Variants in DRGX observed in about 807,000 individuals in gnomAD.
The protein encoded by DRGX is dorsal root ganglia homeobox.
In DRGX, 21 loss-of-function variants were observed where a neutral mutation model predicts 28.6. The ratio of observed to expected loss-of-function variants is 0.73; its 90% confidence interval spans 0.52 to 1.06. The LOEUF is 1.06. Ranked by LOEUF, DRGX falls within the 50% of genes least tolerant of loss-of-function variation. DRGX has a pLI of 0.00. For synonymous variants in DRGX, 136 were observed against 139.1 expected, an observed-to-expected ratio of 0.98 and a Z score of 0.16; for missense variants, 354 against 343.9, an observed-to-expected ratio of 1.03 and a Z score of -0.23.
chr10:49,383,847 G>A (rs1818639989), intron 6 of DRGX, among the ~76,000 whole-genome samples: 2 of 152,242 alleles, frequency 1.3e-5, no homozygotes, highest in African/African-American at 4.8e-5. Flanking sequence ...CTCCAGCACT[G>A]TGAGACATAA....
chr10:49,374,659 T>C (rs185447782), intron 6 of DRGX, among the ~76,000 whole-genome samples: 16 of 152,382 alleles, frequency 1.0e-4, no homozygotes, highest in African/African-American at 3.6e-4. Context: ...AGGCTTGGTC[T>C]GAATATAAAT....
At position 49,366,017 on chromosome 10, in the gene DRGX, C is replaced by T. The variant is rs536783214; in HGVS notation, c.*99G>A. ...TGGGTCCATGCAGAGGCCCTGGGGC[C>T]GCAGGCTTCTCCTTGCTATTTGGAG... On this transcript the variant is annotated 3_prime_UTR_variant, in exon 7 of 7. Transcript: ENST00000374139. The T allele has an allele frequency of 5.3e-5, 75 of 1,405,374 alleles. No individual in the cohort carries two copies. Among genetic ancestry groups the T allele is most frequent in the Non-Finnish European group, 6.8e-5 (73 of 1,070,148 alleles). 87.1% of individuals were successfully genotyped at this position (1,405,374 alleles called of 1,614,324 possible). A position where few individuals can be genotyped will look rare whatever the true frequency, so the allele number is the denominator to read the frequency against.
intron 6 of DRGX, among the ~76,000 whole-genome samples, chr10:49,379,406 A>T (rs527295700): frequency 3.3e-5 from 5 of 152,346 alleles, no homozygotes; most frequent in East Asian, 1.9e-4. Flanking sequence ...CAATAAAACC[A>T]TTATAAAAAT....
chr10:49,395,636 A>G, intron 1 of DRGX, 115 bp from the exon 2 acceptor site: 1 of 646,926 alleles, frequency 1.5e-6, no homozygotes, highest in East Asian at 2.8e-5. Context: ...CCCTCATCTC[A>G]CTGCGGGGGA....
intron 6 of DRGX, among the ~76,000 whole-genome samples, chr10:49,378,414 G>A (rs1849738807): frequency 6.6e-6 from 1 of 152,222 alleles, no homozygotes; most frequent in Admixed American, 6.5e-5. Flanking sequence ...GCTCTGGGCT[G>A]TGCAAAATGG....
In DRGX at chr10:49,366,016, C is replaced by G; in HGVS notation, c.*100G>C. 1 of 1,401,062 alleles carries G rather than the reference C, an allele frequency of 7.1e-7. No homozygotes were observed. The highest frequency in any genetic ancestry group is 9.4e-7 in the Non-Finnish European group (1 of 1,065,732). 86.8% of individuals were successfully genotyped at this position (1,401,062 alleles called of 1,614,324 possible). On this transcript the variant is annotated 3_prime_UTR_variant, in exon 7 of 7. Transcript: ENST00000374139. The stretch of plus-strand genomic sequence containing the variant: ...CTGGGTCCATGCAGAGGCCCTGGGG[C>G]CGCAGGCTTCTCCTTGCTATTTGGA...
At chr10:49,394,467 A>C (rs1270434866) in intron 2 of DRGX, among the ~76,000 whole-genome samples, 1 of 152,174 alleles carries the variant, frequency 6.6e-6, no homozygotes, top group Non-Finnish European at 1.5e-5. Context: ...TAGGTTGCCA[A>C]ATGCCAGTCC....
At chr10:49,369,563 A>G (rs1332859817) in intron 6 of DRGX, among the ~76,000 whole-genome samples, 1 of 152,090 alleles carries the variant, frequency 6.6e-6, no homozygotes, top group Admixed American at 6.5e-5. Flanking sequence ...ATTCCCAGAG[A>G]CAGAAGTAGA....
At chr10:49,368,917 G>T (rs1469028583) in intron 6 of DRGX, among the ~76,000 whole-genome samples, 1 of 152,222 alleles carries the variant, frequency 6.6e-6, no homozygotes, top group Non-Finnish European at 1.5e-5. Context: ...AGGCTCTCAG[G>T]GACCTGGAAG....
At chr10:49,369,135 A>T (rs879829582) in intron 6 of DRGX, among the ~76,000 whole-genome samples, 2 of 152,210 alleles carry the variant, frequency 1.3e-5, no homozygotes, top group Non-Finnish European at 2.9e-5. Flanking sequence ...CTTGCCCTGG[A>T]GCCATAGCCT....
In DRGX at chr10:49,366,205, C is replaced by CG. The variant is rs558290426; in HGVS notation, c.702dup (p.Gly235ArgfsTer58). 41 of 1,613,612 alleles carry CG rather than the reference C, an allele frequency of 2.5e-5. No individual in the cohort carries two copies. The East Asian group carries it at 8.5e-4, about 33-fold the overall frequency. On this transcript the variant is annotated frameshift_variant, in exon 7 of 7. Coordinates refer to ENST00000374139, the MANE Select transcript of DRGX (RefSeq NM_001276451.2). LOFTEE classifies it high-confidence loss of function. ...GGGGGCGCCGGCTTGGCGACAGGGC[C>CG]GGGGCTGCTGCTGGTGGAAGGCAGG...
intron 2 of DRGX, among the ~76,000 whole-genome samples, chr10:49,393,558 A>G (rs1230934112): frequency 6.6e-6 from 1 of 152,206 alleles, no homozygotes. Context: ...TTTCTCCCTT[A>G]TGCCTATCTA....
At chr10:49,386,447 C>G (rs377716685) in intron 6 of DRGX, 31 bp downstream of exon 6, 3 of 1,494,842 alleles carry the variant, frequency 2.0e-6, no homozygotes, top group Admixed American at 4.6e-5. Flanking sequence ...CATGAGGCCA[C>G]GCCCACCAGC....
At chr10:49,366,602 A>G (rs1849604742) in intron 6 of DRGX, among the ~76,000 whole-genome samples, 1 of 152,244 alleles carries the variant, frequency 6.6e-6, no homozygotes, top group African/African-American at 2.4e-5. Flanking sequence ...ACACCTGGCG[A>G]GTCCTGGCTC....
chr10:49,366,246 A>G lies in DRGX; in HGVS notation c.662T>C (p.Leu221Pro), dbSNP rs765256410. Residue 221 changes from leucine (L) to proline (P), a missense_variant, in exon 7 of 7, where the codon CTG (leucine) becomes CCG (proline). Physicochemically the swap from Leu to Pro is moderately conservative, Grantham distance 98. Coordinates refer to ENST00000374139, the MANE Select transcript of DRGX (RefSeq NM_001276451.2). ...MKAREHSEAV[L>P]QSANLLPSTS... ...GGAAGGCAGGAGGTTGGCTGACTGC[A>G]GGACAGCTTCTGAGTGCTCGCGGGC... The G allele has an allele frequency of 6.2e-7, 1 of 1,613,954 alleles. No individual in the cohort carries two copies. Among genetic ancestry groups the G allele is most frequent in the South Asian group, 1.1e-5 (1 of 91,086 alleles).
In DRGX at chr10:49,387,008, GT is replaced by G. The variant is rs997910124; in HGVS notation, c.235-151del. ...ACTGCAGCGTCAGGCCCACAGAGGGGTCAGAAGATCCGCTTAAAAGGTTAGG... is the reference window on the plus strand; with the variant it reads ...ACTGCAGCGTCAGGCCCACAGAGGGGCAGAAGATCCGCTTAAAAGGTTAGG... On this transcript the variant is annotated intron_variant, in intron 4 of 6. Coordinates refer to ENST00000374139, the MANE Select transcript of DRGX (RefSeq NM_001276451.2). 6.7e-6 allele frequency: 6 copies of G among 891,262 alleles called. No homozygotes were observed. In the African/African-American group the frequency reaches 1.0e-4, roughly 15 times the overall value. The allele number at this position is 891,262 out of a possible 1,614,324, so 55.2% of individuals were successfully genotyped here. A position where few individuals can be genotyped will look rare whatever the true frequency, so the allele number is the denominator to read the frequency against.
At position 49,366,002 on chromosome 10, in the gene DRGX, C is replaced by A. The variant is rs531003775; in HGVS notation, c.*114G>T. ...CTCACTTGCCCGTCCTGGGTCCATG[C>A]AGAGGCCCTGGGGCCGCAGGCTTCT... On this transcript the variant is annotated 3_prime_UTR_variant, in exon 7 of 7. Coordinates refer to ENST00000374139, the MANE Select transcript of DRGX (RefSeq NM_001276451.2). 29 of 1,334,738 alleles carry A rather than the reference C, an allele frequency of 2.2e-5. No individual in the cohort carries two copies. In the African/African-American group the frequency reaches 4.0e-4, roughly 18 times the overall value. The allele number at this position is 1,334,738 out of a possible 1,614,324, so 82.7% of individuals were successfully genotyped here.
chr10:49,367,402 G>A (rs916902930), intron 6 of DRGX, among the ~76,000 whole-genome samples: 2 of 152,022 alleles, frequency 1.3e-5, no homozygotes, highest in African/African-American at 4.8e-5. Flanking sequence ...AAAAAGAAAA[G>A]AAAAGAAAAA....
intron 6 of DRGX, among the ~76,000 whole-genome samples, chr10:49,376,680 C>T (rs1459574914): frequency 1.3e-5 from 2 of 152,134 alleles, no homozygotes; most frequent in Non-Finnish European, 2.9e-5. Context: ...CTTTGTTTCA[C>T]AGGTGAGGAG....
Sources: gnomAD v4.1 joint callset for allele counts (sites outside exome capture counted in the v4.1 genomes callset) on GRCh38, gnomAD v4.1.1 for gene constraint, MANE v1.5 for transcripts, NCBI Gene and HGNC (gene_info 2026-07-23, HGNC 2026-07-21) for gene names.